DNAH1: variants seen among roughly 807,000 people sequenced by gnomAD.
DNAH1 encodes the protein axonemal beta dynein heavy chain 1.
In DNAH1, 327 loss-of-function variants were observed where a neutral mutation model predicts 484.3. The observed-to-expected ratio is 0.68, with a 90% CI of 0.62 to 0.74. The LOEUF (loss-of-function observed/expected upper bound fraction) is 0.74, where lower values mean the gene tolerates loss of function less well. Ranked by LOEUF, DNAH1 falls within the 30% of genes least tolerant of loss-of-function variation. The pLI is 0.00. For synonymous variants in DNAH1, 2,192 were observed against 2,191.9 expected, an observed-to-expected ratio of 1.00 and a Z score of 0.00; for missense variants, 5,052 against 5,546.8, an observed-to-expected ratio of 0.91 and a Z score of 2.83.
intron 2 of DNAH1, among the ~76,000 whole-genome samples, chr3:52,323,291 T>G (rs1362798287): frequency 6.8e-6 from 1 of 146,000 alleles, no homozygotes; most frequent in African/African-American, 2.6e-5. Flanking sequence ...AAGGCTAGAA[T>G]GCGAGGGGAG....
At position 52,396,440 on chromosome 3, in the gene DNAH1, G is replaced by C; in HGVS notation, c.11332G>C (p.Gly3778Arg). 7 of 1,594,286 alleles carry C rather than the reference G, an allele frequency of 4.4e-6. No individual in the cohort carries two copies. The highest frequency in any genetic ancestry group is 6.0e-6 in the Non-Finnish European group (7 of 1,170,842). Residue 3778 changes from glycine to arginine, a missense_variant, in exon 71 of 78, where the codon GGC becomes CGC. Gly to Arg is a moderately radical substitution (Grantham distance 125, BLOSUM62 -2). This residue lies in a region of DNAH1 where 853 missense variants were observed against 899.0 expected (regional missense o/e 0.95). Coordinates refer to ENST00000420323, the MANE Select transcript of DNAH1 (RefSeq NM_015512.5). ...GTTCCCAGTGTCCATCCTGCAGAAC[G>C]GCTCCAAGATGACCATTGAGCCGCC... The part of the protein sequence containing the change: ...NKFPVSILQN[G>R]SKMTIEPPRG...
At chr3:52,342,299 GGGT>G (rs1404608239) in intron 8 of DNAH1, among the ~76,000 whole-genome samples, 11 of 152,264 alleles carry the variant, frequency 7.2e-5, no homozygotes, top group Non-Finnish European at 1.2e-4. Flanking sequence ...TGCAGGCCAT[GGGT>G]GGTGGTGAGC....
In DNAH1 at chr3:52,340,014, C is replaced by T. The variant is rs575482549; in HGVS notation, c.1287-4476C>T. Among the ~76,000 whole-genome samples, 9 of 152,286 alleles carry T rather than the reference C, an allele frequency of 5.9e-5. No homozygotes were observed. In the South Asian group the frequency reaches 1.0e-3, roughly 18 times the overall value. Reference sequence around the variant, plus strand: ...AAGAACACTGCCTTTGAATTGCATGCCCTTAAGTCCCTTCCTTGTAGTAAG... The same window carrying T: ...AAGAACACTGCCTTTGAATTGCATGTCCTTAAGTCCCTTCCTTGTAGTAAG... On this transcript the variant is annotated intron_variant, in intron 8 of 77. Transcript: ENST00000420323.
chr3:52,356,652 G>T lies in DNAH1; in HGVS notation c.3732G>T (p.Trp1244Cys). The T allele has an allele frequency of 6.2e-7, 1 of 1,613,728 alleles. No homozygotes were observed. Among genetic ancestry groups the T allele is most frequent in the Non-Finnish European group, 8.5e-7 (1 of 1,179,882 alleles). Residue 1244 changes from tryptophan to cysteine, a missense_variant, in exon 22 of 78, where the codon TGG becomes TGT. Physicochemically the swap from Trp to Cys is radical, Grantham distance 215. This residue lies in a region of DNAH1 where 2,929 missense variants were observed against 3,409.4 expected (regional missense o/e 0.86). Coordinates refer to ENST00000420323, the MANE Select transcript of DNAH1 (RefSeq NM_015512.5). ...LEEWLNCQRS[W>C]LYLEPIFSSE... ...AGTGGCTGAACTGTCAGCGGTCCTG[G>T]CTCTACCTGGAGCCCATCTTTAGCT... is the stretch of plus-strand genomic sequence containing the variant.
Position 52,364,687 on chromosome 3 carries a change from C to T in DNAH1, c.5294C>T (p.Ala1765Val). 1.2e-6 allele frequency: 2 copies of T among 1,613,928 alleles called. No homozygotes were observed. Among genetic ancestry groups the T allele is most frequent in the Non-Finnish European group, 1.7e-6 (2 of 1,179,860 alleles). The stretch of plus-strand genomic sequence containing the variant: ...GCCGTGAAAACTGTGATCTCGGCTG[C>T]TGGGAACCTCAAGCGAGAAAACCCC... ...MRAVKTVISA[A>V]GNLKRENPSM... The change falls in exon 33 of 78, where the codon GCT becomes GTT. Residue 1765 changes from alanine (A) to valine (V), a missense_variant. Transcript: ENST00000420323. This position sits in a 1 kb window ranked among gnomAD's most constrained non-coding sequence, Gnocchi z 4.2.
At position 52,395,024 on chromosome 3, in the gene DNAH1, G is replaced by A. The variant is rs1704557678; in HGVS notation, c.10933G>A (p.Ala3645Thr). 1 of 1,610,926 alleles carries A rather than the reference G, an allele frequency of 6.2e-7. No homozygotes were observed. The highest frequency in any genetic ancestry group is 1.1e-5 in the South Asian group (1 of 90,284). Residue 3645 changes from alanine to threonine, a missense_variant, in exon 68 of 78, where the codon GCC (alanine) becomes ACC (threonine). Ala to Thr is a moderately conservative substitution (Grantham distance 58). Coordinates refer to ENST00000420323, the MANE Select transcript of DNAH1 (RefSeq NM_015512.5). This position sits in a 1 kb window ranked among gnomAD's most constrained non-coding sequence, Gnocchi z 4.4. ...KVTNAMQDFV[A>T]TNLEPRFIEP... ...TACCAACGCCATGCAGGACTTTGTG[G>A]CCACCAACCTGGAGCCACGCTTCAT...
At chr3:52,394,229 T>C (rs911573654) in intron 66 of DNAH1, among the ~76,000 whole-genome samples, 1 of 152,210 alleles carries the variant, frequency 6.6e-6, no homozygotes, top group Admixed American at 6.5e-5. Context: ...TCTGATTCTT[T>C]CTACTCCCAA....
At chr3:52,370,420 C>T (rs1250253377) in intron 39 of DNAH1, 57 bp from the exon 40 acceptor site, 12 of 1,609,134 alleles carry the variant, frequency 7.5e-6, no homozygotes, top group South Asian at 2.2e-5. Context: ...GCCCCACTTC[C>T]TCAGGCCGCT....
chr3:52,383,399 C>T lies in DNAH1; in HGVS notation c.7955C>T (p.Ser2652Phe), dbSNP rs1191544813. The part of the protein sequence containing the change: ...LFSDTQIKNE[S>F]FLEDINNVLN... ...ACCCCTCCCCAGATCAAGAACGAAT[C>T]CTTCCTGGAAGATATCAACAACGTC... The change falls in exon 51 of 78, where the codon TCC becomes TTC. Residue 2652 changes from serine (S) to phenylalanine (F), a missense_variant. Coordinates refer to ENST00000420323, the MANE Select transcript of DNAH1 (RefSeq NM_015512.5). 6.2e-7 allele frequency: 1 copy of T among 1,613,832 alleles called. No individual in the cohort carries two copies. Among genetic ancestry groups the T allele is most frequent in the South Asian group, 1.1e-5 (1 of 91,008 alleles).
At position 52,384,806 on chromosome 3, in the gene DNAH1, C is replaced by G; in HGVS notation, c.8343C>G (p.Ile2781Met). Reference sequence around the variant, plus strand: ...CCCAGATCCAGGTCTGTGTGTACATCCACCAGTCGGTGTCCAAGAAGTGCA... The same window carrying G: ...CCCAGATCCAGGTCTGTGTGTACATGCACCAGTCGGTGTCCAAGAAGTGCA... ...IQGLIQVCVY[I>M]HQSVSKKCIE... The change falls in exon 53 of 78, where the codon ATC becomes ATG. Residue 2781 changes from isoleucine to methionine, a missense_variant. Physicochemically the swap from Ile to Met is conservative, Grantham distance 10 (BLOSUM62 1). Around this residue, in one of 4 missense-constraint regions of DNAH1, gnomAD observed 2,929 missense variants for 3,409.4 expected, o/e 0.86. Transcript: ENST00000420323. 5.6e-6 allele frequency: 9 copies of G among 1,605,966 alleles called. No homozygotes were observed. The highest frequency in any genetic ancestry group is 7.7e-6 in the Non-Finnish European group (9 of 1,176,146).
chr3:52,360,090 G>T lies in DNAH1; in HGVS notation c.4571+11G>T, dbSNP rs377471856. ...GATCTCACAGCTGAGGTGAGGACAT[G>T]GGGGGCGCCCCCAGGGCCAGAGCAG... On this transcript the variant is annotated intron_variant, in intron 27 of 77. Coordinates refer to ENST00000420323, the MANE Select transcript of DNAH1 (RefSeq NM_015512.5). The T allele has an allele frequency of 1.2e-6, 2 of 1,613,282 alleles. No individual in the cohort carries two copies. The highest frequency in any genetic ancestry group is 1.1e-5 in the South Asian group (1 of 91,064).
chr3:52,396,961 T>A lies in DNAH1; in HGVS notation c.11704T>A (p.Tyr3902Asn). ...RCIMNILEDF[Y>N]NPDVLSPEHS... Reference sequence around the variant, plus strand: ...CATCATGAACATCTTGGAGGACTTCTACAACCCTGACGTGCTCTCCCCTGA... The same window carrying A: ...CATCATGAACATCTTGGAGGACTTCAACAACCCTGACGTGCTCTCCCCTGA... Residue 3902 changes from tyrosine (Y) to asparagine (N), a missense_variant, in exon 73 of 78, where the codon TAC (tyrosine) becomes AAC (asparagine). Physicochemically the swap from Tyr to Asn is moderately radical, Grantham distance 143. Around this residue, in one of 4 missense-constraint regions of DNAH1, gnomAD observed 853 missense variants for 899.0 expected, o/e 0.95. Transcript: ENST00000420323. 2 of 1,613,318 alleles carry A rather than the reference T, an allele frequency of 1.2e-6. No homozygotes were observed. The highest frequency in any genetic ancestry group is 1.7e-6 in the Non-Finnish European group (2 of 1,179,784).
At chr3:52,396,025 A>C (rs1031736365) in intron 70 of DNAH1, among the ~76,000 whole-genome samples, 1 of 135,842 alleles carries the variant, frequency 7.4e-6, no homozygotes, top group Non-Finnish European at 1.6e-5. Flanking sequence ...TGCAACCTCC[A>C]CCTCCTGAGT....
intron 54 of DNAH1, 51 bp downstream of exon 54, chr3:52,385,498 G>A (rs1430259757): frequency 2.1e-5 from 31 of 1,478,356 alleles, no homozygotes; most frequent in Non-Finnish European, 2.8e-5. Context: ...AGGAAGCTCG[G>A]CACCCCCACA....
rs368735484 is a variant in DNAH1, at chr3:52,384,908, C to T, written c.8445C>T (p.Ser2815=). Residue 2815 remains serine, a synonymous_variant, in exon 53 of 78, where the codon TCC becomes TCT. Coordinates refer to ENST00000420323, the MANE Select transcript of DNAH1 (RefSeq NM_015512.5). ...KSYLELLHIF[S]ILIGQKKLEL... ...ACTTGGAGCTGCTTCATATTTTCTCCATCCTCATCGGGCAGAAGAAACTGG... is the reference window on the plus strand; with the variant it reads ...ACTTGGAGCTGCTTCATATTTTCTCTATCCTCATCGGGCAGAAGAAACTGG... The T allele has an allele frequency of 6.2e-7, 1 of 1,613,588 alleles. No homozygotes were observed. Among genetic ancestry groups the T allele is most frequent in the African/African-American group, 1.3e-5 (1 of 74,932 alleles).
Position 52,366,547 on chromosome 3 carries a change from C to T in DNAH1, c.5609C>T (p.Thr1870Ile). The change falls in exon 35 of 78, where the codon ACT becomes ATT. Residue 1870 changes from threonine to isoleucine, a missense_variant and splice_region_variant. Coordinates refer to ENST00000420323, the MANE Select transcript of DNAH1 (RefSeq NM_015512.5). ...LVGPTGSGKS[T>I]CYRVLAAAMT... ...GGGCCCACAGGCTCCGGCAAGAGTA[C>T]TGTAAGCAGAGCCAAGCTTGGCAGC... The T allele has an allele frequency of 6.3e-7, 1 of 1,590,870 alleles. No individual in the cohort carries two copies. Among genetic ancestry groups the T allele is most frequent in the Non-Finnish European group, 8.6e-7 (1 of 1,169,266 alleles).
chr3:52,379,654 C>T lies in DNAH1; in HGVS notation c.7378-251C>T, dbSNP rs13089892. The stretch of plus-strand genomic sequence containing the variant: ...CTAGCAGAGCCAGACACCCAGAGGG[C>T]ACTTGGCCAGCTGGACTCGGAGCTG... On this transcript the variant is annotated intron_variant, in intron 47 of 77. Coordinates refer to ENST00000420323, the MANE Select transcript of DNAH1 (RefSeq NM_015512.5). The surrounding 1 kb of genome is among the most constrained non-coding windows in gnomAD (Gnocchi z 4.4). Among the ~76,000 whole-genome samples, 5,490 of 152,252 alleles carry T rather than the reference C, an allele frequency of 0.036. 145 individuals are homozygous for T. The highest frequency in any genetic ancestry group is 0.049 in the Non-Finnish European group (3,363 of 68,010).
In DNAH1 at chr3:52,326,212, T is replaced by G; in HGVS notation, c.479T>G (p.Leu160Arg). The change falls in exon 4 of 78, where the codon CTG becomes CGG. Residue 160 changes from leucine (L) to arginine (R), a missense_variant. Physicochemically the swap from Leu to Arg is moderately radical, Grantham distance 102 (BLOSUM62 -2). This residue lies in a region of DNAH1 where 1,263 missense variants were observed against 1,218.8 expected (regional missense o/e 1.04). Transcript: ENST00000420323. ...EQQCIGSTTR[L>R]LAQTDFPLQA... The stretch of plus-strand genomic sequence containing the variant: ...CAGTGCATCGGGTCCACCACCCGGC[T>G]GCTCGCCCAGACTGACTTCCCACTG... 6.2e-7 allele frequency: 1 copy of G among 1,613,196 alleles called. No homozygotes were observed. Among genetic ancestry groups the G allele is most frequent in the Non-Finnish European group, 8.5e-7 (1 of 1,179,656 alleles).
chr3:52,374,602 A>G (rs1048996234), intron 44 of DNAH1: 4 of 1,497,888 alleles, frequency 2.7e-6, no homozygotes, highest in South Asian at 2.3e-5. Context: ...CGAGCTCTCT[A>G]TTACTGGAAT....
Sources: allele counts gnomAD v4.1 joint callset (sites outside exome capture counted in the v4.1 genomes callset), GRCh38; gene constraint gnomAD v4.1.1; regional missense constraint gnomAD v4.1.1; non-coding constraint Gnocchi (gnomAD v3.1); transcripts MANE v1.5; gene names NCBI Gene and HGNC (gene_info 2026-07-23, HGNC 2026-07-21).